The following MYO10 variants were observed in gnomAD, a reference collection of about 807,000 sequenced individuals.
MYO10 encodes the protein myosin X.
In MYO10, 133 loss-of-function variants were observed where a neutral mutation model predicts 257.3. That is an observed-to-expected ratio of 0.52 (90% confidence interval 0.45 to 0.60). The LOEUF is 0.60. MYO10 is among the 20% of genes least tolerant of loss of function. The pLI is 0.00. For synonymous variants in MYO10, 1,104 were observed against 1,028.6 expected, an observed-to-expected ratio of 1.07 and a Z score of -1.40; for missense variants, 2,399 against 2,635.7, an observed-to-expected ratio of 0.91 and a Z score of 1.97.
chr5:16,683,753 A>G, intron 30 of MYO10, 127 bp downstream of exon 30: 1 of 837,176 alleles, frequency 1.2e-6, no homozygotes, highest in South Asian at 1.7e-5. Context: ...GGGGTTGACA[A>G]GGTGGGAACA....
At chr5:16,721,966 T>TTAC (rs1739169428) in intron 19 of MYO10, among the ~76,000 whole-genome samples, 1 of 152,192 alleles carries the variant, frequency 6.6e-6, no homozygotes, top group South Asian at 2.1e-4. Flanking sequence ...ACCTTCCCAG[T>TTAC]CAATACGCCC....
chr5:16,892,767 CTTTAA>C (rs1187919003), intron 1 of MYO10, among the ~76,000 whole-genome samples: 1 of 152,174 alleles, frequency 6.6e-6, no homozygotes, highest in Non-Finnish European at 1.5e-5. Flanking sequence ...CCTCATATTG[CTTTAA>C]TTTAACTCTC....
rs550960045 is a variant in MYO10, at chr5:16,877,106, C to G, written c.120+503G>C. ...ACACAACTGCCAGCATCTTGATGGC[C>G]TTGGACTCTCCAGGCTCCAGAACTG... On this transcript the variant is annotated intron_variant, in intron 2 of 40. Coordinates refer to ENST00000513610, the MANE Select transcript of MYO10 (RefSeq NM_012334.3). 3.9e-5 allele frequency among the ~76,000 whole-genome samples: 6 copies of G among 151,994 alleles called. No individual in the cohort carries two copies. In the South Asian group the frequency reaches 1.0e-3, roughly 26 times the overall value.
At chr5:16,791,604 T>G (rs1395430705) in intron 4 of MYO10, among the ~76,000 whole-genome samples, 1 of 151,750 alleles carries the variant, frequency 6.6e-6, no homozygotes, top group Non-Finnish European at 1.5e-5. Flanking sequence ...TTCGCTTTCT[T>G]CTTTAGCGGC....
intron 1 of MYO10, among the ~76,000 whole-genome samples, chr5:16,923,245 T>C (rs1304822881): frequency 6.6e-6 from 1 of 151,614 alleles, no homozygotes; most frequent in Non-Finnish European, 1.5e-5. Flanking sequence ...GACAATGGTA[T>C]ATACATTGTC....
Position 16,701,647 on chromosome 5 carries a change from C to T in MYO10, c.2748G>A (p.Leu916=), listed in dbSNP as rs1738084185. 1 of 1,613,812 alleles carries T rather than the reference C, an allele frequency of 6.2e-7. No individual in the cohort carries two copies. The highest frequency in any genetic ancestry group is 8.5e-7 in the Non-Finnish European group (1 of 1,179,818). Residue 916 remains leucine (L), a synonymous_variant, in exon 25 of 41, where the codon CTG becomes CTA. Coordinates refer to ENST00000513610, the MANE Select transcript of MYO10 (RefSeq NM_012334.3). This position sits in a 1 kb window ranked among gnomAD's most constrained non-coding sequence, Gnocchi z 8.1. ...GGTCCCGCCGCTCCTGCAGCTTCTG[C>T]AGGGAAGCCTCGGTCAGCGACAGCT... is the stretch of plus-strand genomic sequence containing the variant. ...QQELSLTEAS[L]QKLQERRDQE...
chr5:16,919,721 A>C (rs1307706133), intron 1 of MYO10, among the ~76,000 whole-genome samples: 1 of 152,178 alleles, frequency 6.6e-6, no homozygotes. Flanking sequence ...TCACGCCTGT[A>C]ATCTCAGCAC....
intron 40 of MYO10, among the ~76,000 whole-genome samples, chr5:16,667,747 G>C (rs1342709545): frequency 3.9e-5 from 6 of 152,104 alleles, no homozygotes; most frequent in African/African-American, 1.4e-4. Flanking sequence ...TTCCCTTTGT[G>C]GAAGCCTCAA....
Position 16,794,782 on chromosome 5 carries a change from C to T in MYO10, c.331G>A (p.Gly111Arg), listed in dbSNP as rs758391736. 6 of 1,599,954 alleles carry T rather than the reference C, an allele frequency of 3.8e-6. No homozygotes were observed. In the South Asian group the frequency reaches 5.6e-5, roughly 15 times the overall value. ...ASVNPYQPIA[G>R]LYEPATMEQY... Reference sequence around the variant, plus strand: ...TCCATGGTGGCAGGCTCGTACAGCCCGGCGATGGGCTGGTAGGGGTTCACG... The same window carrying T: ...TCCATGGTGGCAGGCTCGTACAGCCTGGCGATGGGCTGGTAGGGGTTCACG... Residue 111 changes from glycine (G) to arginine (R), a missense_variant, in exon 4 of 41, where the codon GGG (glycine) becomes AGG (arginine). Coordinates refer to ENST00000513610, the MANE Select transcript of MYO10 (RefSeq NM_012334.3).
In MYO10 at chr5:16,929,974, A is replaced by C. The variant is rs146416670; in HGVS notation, c.21+5814T>G. ...GCATCTCCCCTTCCCGCCATAAAAT[A>C]ATCTGAAAATAACCATTATGCAAGG... On this transcript the variant is annotated intron_variant, in intron 1 of 40. Coordinates refer to ENST00000513610, the MANE Select transcript of MYO10 (RefSeq NM_012334.3). Among the ~76,000 whole-genome samples the C allele has an allele frequency of 1.2e-3, 184 of 152,326 alleles. 1 individual carries two copies. Among genetic ancestry groups the C allele is most frequent in the African/African-American group, 4.2e-3 (174 of 41,572 alleles).
chr5:16,781,709 T>C lies in MYO10; in HGVS notation c.723A>G (p.Val241=). The change falls in exon 6 of 41, where the codon GTA becomes GTG. Residue 241 remains valine (V), a synonymous_variant. Transcript: ENST00000513610. ...AAAATAAATGAAAGAGGATACAATCTACAATTCTCCCGCCCTGAATATTTC... is the reference window on the plus strand; with the variant it reads ...AAAATAAATGAAAGAGGATACAATCCACAATTCTCCCGCCCTGAATATTTC... ...QKGNIQGGRI[V]DYLLEKNRVV... 6 of 1,613,732 alleles carry C rather than the reference T, an allele frequency of 3.7e-6. No individual in the cohort carries two copies. The highest frequency in any genetic ancestry group is 5.1e-6 in the Non-Finnish European group (6 of 1,179,736).
At chr5:16,898,859 T>C (rs964802446) in intron 1 of MYO10, among the ~76,000 whole-genome samples, 1 of 151,230 alleles carries the variant, frequency 6.6e-6, no homozygotes, top group African/African-American at 2.4e-5. Flanking sequence ...TGTAATTCAG[T>C]AGGCAAAAGT....
chr5:16,809,880 T>C (rs1234272691), intron 3 of MYO10, among the ~76,000 whole-genome samples: 2 of 152,060 alleles, frequency 1.3e-5, no homozygotes, highest in African/African-American at 2.4e-5. Flanking sequence ...AACACCATAA[T>C]TGCAGGCGAC....
At chr5:16,794,622 C>A (rs1741874692) in intron 4 of MYO10, 24 bp downstream of exon 4, 2 of 1,582,906 alleles carry the variant, frequency 1.3e-6, no homozygotes, top group Admixed American at 1.7e-5. Flanking sequence ...ATGGGAAAGT[C>A]CGACTGGCTG....
At chr5:16,863,388 C>T (rs1488919537) in intron 2 of MYO10, among the ~76,000 whole-genome samples, 1 of 152,144 alleles carries the variant, frequency 6.6e-6, no homozygotes, top group African/African-American at 2.4e-5. Flanking sequence ...GCTGGATTCA[C>T]TTAAAGGGGC....
chr5:16,686,429 C>T (rs918585339), intron 28 of MYO10, among the ~76,000 whole-genome samples: 2 of 152,066 alleles, frequency 1.3e-5, no homozygotes, highest in Non-Finnish European at 2.9e-5. Context: ...AAGTCTAATG[C>T]AAATATTCCA....
At chr5:16,718,108 G>A (rs998999540) in intron 19 of MYO10, among the ~76,000 whole-genome samples, 6 of 152,238 alleles carry the variant, frequency 3.9e-5, no homozygotes, top group Admixed American at 1.3e-4. Flanking sequence ...CAGTGGCTGC[G>A]GAGGGTGTAC....
In MYO10 at chr5:16,701,108, T is replaced by C. The variant is rs374367797; in HGVS notation, c.3287A>G (p.Tyr1096Cys). The change falls in exon 25 of 41, where the codon TAT (tyrosine) becomes TGT (cysteine). Residue 1096 changes from tyrosine to cysteine, a missense_variant. Around this residue, in one of 3 missense-constraint regions of MYO10, gnomAD observed 1,820 missense variants for 1,939.4 expected, o/e 0.94. Coordinates refer to ENST00000513610, the MANE Select transcript of MYO10 (RefSeq NM_012334.3). The surrounding 1 kb of genome is among the most constrained non-coding windows in gnomAD (Gnocchi z 8.1). ...DGDYDYDQDD[Y>C]EDGAITSGSS... is the part of the protein sequence containing the mutation. ...GCCGGAAGTGATGGCACCGTCCTCA[T>C]AGTCATCCTGGTCGTAGTCGTAGTC... is the stretch of plus-strand genomic sequence containing the variant. The C allele has an allele frequency of 5.7e-5, 91 of 1,591,422 alleles. No individual in the cohort carries two copies. Among genetic ancestry groups the C allele is most frequent in the Non-Finnish European group, 7.1e-5 (83 of 1,169,434 alleles).
chr5:16,874,449 C>T (rs1283088838), intron 2 of MYO10, among the ~76,000 whole-genome samples: 2 of 151,408 alleles, frequency 1.3e-5, no homozygotes, highest in Non-Finnish European at 2.9e-5. Context: ...ACAGCCCCCA[C>T]ATCACCTCTT....
Sources: allele counts gnomAD v4.1 joint callset (sites outside exome capture counted in the v4.1 genomes callset), GRCh38; gene constraint gnomAD v4.1.1; regional missense constraint gnomAD v4.1.1; non-coding constraint Gnocchi (gnomAD v3.1); transcripts MANE v1.5; gene names NCBI Gene and HGNC (gene_info 2026-07-23, HGNC 2026-07-21).